The following TULP4 variants were observed in gnomAD, a reference collection of about 807,000 sequenced individuals.
TULP4 encodes the protein TUB like protein 4.
A neutral mutation model predicts 129.0 loss-of-function variants in TULP4; 16 were observed. That is an observed-to-expected ratio of 0.12 (90% CI 0.08 to 0.19). TULP4 has a LOEUF of 0.19. Ranked by LOEUF, TULP4 falls within the 10% of genes least tolerant of loss-of-function variation. The pLI, the probability that TULP4 is intolerant of heterozygous loss-of-function variation, is 1.00. For synonymous variants in TULP4, 998 were observed against 854.0 expected (o/e 1.17, Z -2.94); for missense variants, 1,842 against 2,059.1 (o/e 0.89, Z 2.04).
chr6:158,308,955 CG>C (rs1327139088), upstream of TULP4, among the ~76,000 whole-genome samples: 1 of 138,848 alleles, frequency 7.2e-6, no homozygotes, highest in African/African-American at 2.7e-5. Context: ...ACCTCCCTCC[CG>C]GACGGGGCGG....
intron 1 of TULP4, among the ~76,000 whole-genome samples, chr6:158,356,830 A>G (rs1006786281): frequency 1.3e-5 from 2 of 151,362 alleles, no homozygotes; most frequent in East Asian, 3.9e-4. Context: ...TGAAGCTGTA[A>G]AGTAACTCCT....
rs145982316 is a variant in TULP4, at chr6:158,467,049, A to G, written c.1026+5320A>G. On this transcript the variant is annotated intron_variant, in intron 6 of 13. Transcript: ENST00000367097. ...CCATCTCATAAGCATTGCACATTCA[A>G]CATGCCCAAATCTCGGAACACTCCA... is the stretch of plus-strand genomic sequence containing the variant. Among the ~76,000 whole-genome samples, 16 of 152,256 alleles carry G rather than the reference A, an allele frequency of 1.1e-4. 1 individual carries two copies. In the East Asian group the frequency reaches 3.1e-3, roughly 29 times the overall value.
chr6:158,473,731 G>A (rs1394871437), intron 6 of TULP4, among the ~76,000 whole-genome samples: 2 of 152,048 alleles, frequency 1.3e-5, no homozygotes, highest in Non-Finnish European at 2.9e-5. Flanking sequence ...ATGTTGGTCA[G>A]GCTGGTCTCA....
Position 158,352,256 on chromosome 6 carries a change from G to A in TULP4, c.252+37988G>A, listed in dbSNP as rs536734116. ...GGTTTTTTAAGAAGAGACTTCTGGA[G>A]TCTAAAATTTCTAGATCTTATGAAG... On this transcript the variant is annotated intron_variant, in intron 1 of 13. Coordinates refer to ENST00000367097, the MANE Select transcript of TULP4 (RefSeq NM_020245.5). 1.9e-4 allele frequency among the ~76,000 whole-genome samples: 29 copies of A among 152,236 alleles called. 1 individual carries two copies. In the South Asian group the frequency reaches 6.0e-3, roughly 32 times the overall value.
intron 1 of TULP4, among the ~76,000 whole-genome samples, chr6:158,390,380 GAAAA>G (rs1269863299): frequency 6.6e-6 from 1 of 150,508 alleles, no homozygotes; most frequent in Non-Finnish European, 1.5e-5. Context: ...AAAAAAAAAA[GAAAA>G]AGAGTGTTAT....
rs1046743758 is a variant in TULP4 at position 158,336,452 on chromosome 6, G to C, written c.252+22184G>C. 3.3e-5 allele frequency among the ~76,000 whole-genome samples: 5 copies of C among 152,090 alleles called. No homozygotes were observed. The East Asian group carries it at 9.6e-4, about 29-fold the overall frequency. On this transcript the variant is annotated intron_variant, in intron 1 of 13. Transcript: ENST00000367097. ...TTTTTTTATCTAGTCAAATTTGTCA[G>C]TCTCTTATTGCGCTGGATTTTGAGT...
intron 1 of TULP4, among the ~76,000 whole-genome samples, chr6:158,354,276 A>G (rs1463799229): frequency 1.3e-5 from 2 of 152,238 alleles, no homozygotes; most frequent in Admixed American, 6.5e-5. Flanking sequence ...AGAAGCTAAT[A>G]TATGAATAGC....
intron 6 of TULP4, among the ~76,000 whole-genome samples, chr6:158,462,047 C>G (rs1164560616): frequency 6.6e-6 from 1 of 152,144 alleles, no homozygotes; most frequent in Non-Finnish European, 1.5e-5. Context: ...TAATTTTCTT[C>G]TCTACTCTTA....
intron 1 of TULP4, among the ~76,000 whole-genome samples, chr6:158,328,800 G>A (rs992511844): frequency 6.6e-6 from 1 of 152,084 alleles, no homozygotes; most frequent in African/African-American, 2.4e-5. Flanking sequence ...TCATCTTCCC[G>A]CCTCGCAAGC....
At chr6:158,392,199 G>T (rs532446259) in intron 1 of TULP4, among the ~76,000 whole-genome samples, 1 of 152,136 alleles carries the variant, frequency 6.6e-6, no homozygotes, top group Admixed American at 6.5e-5. Context: ...TTGTGCAGGG[G>T]AACTAATCTT....
intron 6 of TULP4, among the ~76,000 whole-genome samples, chr6:158,462,444 G>A (rs1259766323): frequency 6.6e-6 from 1 of 150,514 alleles, no homozygotes; most frequent in Non-Finnish European, 1.5e-5. Context: ...CGCATTCTTG[G>A]CTCACTGCAA....
chr6:158,280,727 C>G (rs1402087803), upstream of TULP4, among the ~76,000 whole-genome samples: 1 of 152,192 alleles, frequency 6.6e-6, no homozygotes, highest in Non-Finnish European at 1.5e-5. Context: ...GTCTCACATT[C>G]TAATGGTCTT....
chr6:158,349,251 CG>C (rs1780418684), intron 1 of TULP4, among the ~76,000 whole-genome samples: 1 of 122,558 alleles, frequency 8.2e-6, no homozygotes, highest in Non-Finnish European at 1.7e-5. Flanking sequence ...CCAGATGGGG[CG>C]GCCGGGCAGA....
intron 1 of TULP4, among the ~76,000 whole-genome samples, chr6:158,364,732 T>TTTTG (rs1235905232): frequency 7.2e-5 from 11 of 152,076 alleles, no homozygotes; most frequent in South Asian, 4.2e-4. Flanking sequence ...TAGATTTGTT[T>TTTTG]TTTGTTTGTT....
intron 1 of TULP4, among the ~76,000 whole-genome samples, chr6:158,269,569 C>CT (rs1562500606): frequency 6.6e-6 from 1 of 152,022 alleles, no homozygotes; most frequent in African/African-American, 2.4e-5. Flanking sequence ...TAATTTTAAC[C>CT]TTTTTTTCTC....
rs564236347 is a variant in TULP4 at position 158,509,581 on chromosome 6, A to G, written c.*2887A>G. On this transcript the variant is annotated 3_prime_UTR_variant, in exon 14 of 14. Transcript: ENST00000367097. ...TACAAATACATGTGAGAAGAAAAAA[A>G]TGGATTTTTTTAGCAAATAATTAAC... is the stretch of plus-strand genomic sequence containing the variant. 1 of 152,376 alleles carries G rather than the reference A, an allele frequency of 6.6e-6. No homozygotes were observed. The highest frequency in any genetic ancestry group is 6.5e-5 in the Admixed American group (1 of 15,308). 9.4% of individuals were successfully genotyped at this position (152,376 alleles called of 1,614,324 possible).
intron 1 of TULP4, among the ~76,000 whole-genome samples, chr6:158,276,732 A>T (rs1778653696): frequency 6.6e-6 from 1 of 152,168 alleles, no homozygotes; most frequent in African/African-American, 2.4e-5. Flanking sequence ...GGTGCAAACC[A>T]GCACTGCCTT....
chr6:158,496,354 T>G (rs1480812499), intron 11 of TULP4, among the ~76,000 whole-genome samples: 2 of 152,248 alleles, frequency 1.3e-5, no homozygotes, highest in African/African-American at 4.8e-5. Flanking sequence ...AAATTATTCT[T>G]ACAGATTAGA....
chr6:158,497,444 T>C (rs1395459517), intron 11 of TULP4, among the ~76,000 whole-genome samples: 3 of 152,222 alleles, frequency 2.0e-5, no homozygotes, highest in African/African-American at 7.2e-5. Flanking sequence ...CAATACACAG[T>C]AGATTCTACA....
Sources: allele counts gnomAD v4.1 joint callset (sites outside exome capture counted in the v4.1 genomes callset), GRCh38; gene constraint gnomAD v4.1.1; transcripts MANE v1.5; gene names NCBI Gene and HGNC (gene_info 2026-07-23, HGNC 2026-07-21).